Variants in EPHA3 observed in about 807,000 individuals in gnomAD.
EPHA3 encodes the protein EPH receptor A3.
In EPHA3, 42 loss-of-function variants were observed where a neutral mutation model predicts 107.1. The ratio of observed to expected loss-of-function variants is 0.39; its 90% CI spans 0.31 to 0.51. The LOEUF is 0.51. Ranked by LOEUF, EPHA3 falls within the 20% of genes least tolerant of loss-of-function variation. The probability of loss-of-function intolerance (pLI) is 0.78; values close to 1 mark genes in which losing one functional copy is unlikely to be tolerated. For synonymous variants in EPHA3, 461 were observed against 424.8 expected (o/e 1.09, Z -1.05); for missense variants, 1,183 against 1,211.2 (o/e 0.98, Z 0.35).
At chr3:89,312,906 G>A (rs1230943476) in intron 3 of EPHA3, among the ~76,000 whole-genome samples, 2 of 151,908 alleles carry the variant, frequency 1.3e-5, no homozygotes, top group Non-Finnish European at 2.9e-5. Context: ...CCCTGTAAAG[G>A]ACATAATCTT....
In EPHA3 at chr3:89,205,208, C is replaced by T. The variant is rs113572169; in HGVS notation, c.154-4652C>T. Among the ~76,000 whole-genome samples, 1,014 of 152,140 alleles carry T rather than the reference C, an allele frequency of 6.7e-3. 8 individuals carry two copies. Among genetic ancestry groups the T allele is most frequent in the African/African-American group, 0.02 (840 of 41,534 alleles). On this transcript the variant is annotated intron_variant, in intron 2 of 16. Transcript: ENST00000336596. ...TAAACTTCCTCCTCACCTTACTACCCCTTGTTAGCAAATAAATAAAAATGT... is the reference window on the plus strand; with the variant it reads ...TAAACTTCCTCCTCACCTTACTACCTCTTGTTAGCAAATAAATAAAAATGT...
At chr3:89,207,630 A>T (rs980655042) in intron 2 of EPHA3, among the ~76,000 whole-genome samples, 1 of 152,202 alleles carries the variant, frequency 6.6e-6, no homozygotes, top group African/African-American at 2.4e-5. Flanking sequence ...GATTTAGTTA[A>T]AAGTGTTTAA....
At chr3:89,120,566 G>T (rs1321249619) in intron 1 of EPHA3, among the ~76,000 whole-genome samples, 1 of 152,124 alleles carries the variant, frequency 6.6e-6, no homozygotes, top group East Asian at 1.9e-4. Context: ...CTGATTAAAA[G>T]AGAAAGAAAG....
intron 3 of EPHA3, among the ~76,000 whole-genome samples, chr3:89,292,782 A>C (rs2107332013): frequency 6.6e-6 from 1 of 152,234 alleles, no homozygotes; most frequent in South Asian, 2.1e-4. Flanking sequence ...TTTATTACAA[A>C]TTTCAAAAGT....
chr3:89,142,522 G>A (rs1704453848), intron 2 of EPHA3, among the ~76,000 whole-genome samples: 2 of 151,362 alleles, frequency 1.3e-5, no homozygotes, highest in African/African-American at 4.8e-5. Context: ...ATCCCAAAAT[G>A]TTTACAGCAA....
At chr3:89,335,720 A>G (rs1475693090) in intron 3 of EPHA3, among the ~76,000 whole-genome samples, 1 of 152,142 alleles carries the variant, frequency 6.6e-6, no homozygotes, top group Non-Finnish European at 1.5e-5. Context: ...CTTCTTACAA[A>G]ATGGGAGAAA....
Position 89,199,666 on chromosome 3 carries a change from A to C in EPHA3, c.154-10194A>C, listed in dbSNP as rs112363191. Among the ~76,000 whole-genome samples, 867 of 152,218 alleles carry C rather than the reference A, an allele frequency of 5.7e-3. 7 individuals carry two copies. Among genetic ancestry groups the C allele is most frequent in the African/African-American group, 0.02 (812 of 41,530 alleles). On this transcript the variant is annotated intron_variant, in intron 2 of 16. Transcript: ENST00000336596. The stretch of plus-strand genomic sequence containing the variant: ...GCTTTTTCCTTTATCTTCCAAAACT[A>C]TTTTCACCCTCTATTTCAAAAATCT...
At chr3:89,433,081 A>T (rs1393223436) in intron 13 of EPHA3, among the ~76,000 whole-genome samples, 1 of 152,104 alleles carries the variant, frequency 6.6e-6, no homozygotes, top group Non-Finnish European at 1.5e-5. Flanking sequence ...CCTCCTTGGG[A>T]TATTTCTATA....
intron 3 of EPHA3, among the ~76,000 whole-genome samples, chr3:89,330,759 C>T (rs964239754): frequency 1.3e-5 from 2 of 152,002 alleles, no homozygotes; most frequent in African/African-American, 4.8e-5. Flanking sequence ...AGAAATTTGT[C>T]GTTTATCCCT....
chr3:89,341,961 A>C lies in EPHA3; in HGVS notation c.1177A>C (p.Thr393Pro), dbSNP rs533112669. The part of the protein sequence containing the change: ...LPRQFGLTNT[T>P]VTVTDLLAHT... ...TCGACAGTTTGGACTCACCAACACC[A>C]CGGTGACAGTGACAGACCTTCTGGC... Residue 393 changes from threonine (T) to proline (P), a missense_variant, in exon 5 of 17, where the codon ACG becomes CCG. Thr to Pro is a conservative substitution (Grantham distance 38). Coordinates refer to ENST00000336596, the MANE Select transcript of EPHA3 (RefSeq NM_005233.6). 2 of 1,613,556 alleles carry C rather than the reference A, an allele frequency of 1.2e-6. No individual in the cohort carries two copies. Among genetic ancestry groups the C allele is most frequent in the South Asian group, 2.2e-5 (2 of 91,004 alleles).
intron 2 of EPHA3, among the ~76,000 whole-genome samples, chr3:89,145,844 C>A (rs1229603003): frequency 6.6e-6 from 1 of 151,486 alleles, no homozygotes; most frequent in African/African-American, 2.4e-5. Flanking sequence ...CAAACAATAT[C>A]ATCAAAGAAG....
intron 5 of EPHA3, among the ~76,000 whole-genome samples, chr3:89,359,828 T>TACAC (rs779168397): frequency 0.21 from 27,773 of 131,084 alleles, 3,636 homozygotes; most frequent in African/African-American, 0.25. Flanking sequence ...TATACATATA[T>TACAC]ATATACATAT....
At position 89,450,296 on chromosome 3, in the gene EPHA3, G is replaced by A. The variant is rs2107555269; in HGVS notation, c.2616G>A (p.Glu872=). Residue 872 remains glutamate, a synonymous_variant, in exon 15 of 17, where the codon GAG becomes GAA. Transcript: ENST00000336596. ...ACAGGAACAACAGACCCAAGTTTGA[G>A]CAGATTGTTAGTATTCTGGACAAGC... ...QKDRNNRPKF[E]QIVSILDKLI... 1 of 1,614,036 alleles carries A rather than the reference G, an allele frequency of 6.2e-7. No individual in the cohort carries two copies. Among genetic ancestry groups the A allele is most frequent in the Non-Finnish European group, 8.5e-7 (1 of 1,179,944 alleles).
chr3:89,209,775 T>C, intron 2 of EPHA3, 85 bp from the exon 3 acceptor site: 3 of 1,150,168 alleles, frequency 2.6e-6, no homozygotes, highest in Non-Finnish European at 3.6e-6. Context: ...TGATTTATTA[T>C]ATAGAGATGG....
chr3:89,149,232 T>C (rs1704637284), intron 2 of EPHA3, among the ~76,000 whole-genome samples: 1 of 152,018 alleles, frequency 6.6e-6, no homozygotes, highest in Admixed American at 6.6e-5. Flanking sequence ...ATTTTCTTAG[T>C]CTATAAATAT....
intron 5 of EPHA3, among the ~76,000 whole-genome samples, chr3:89,358,108 T>C (rs1279866720): frequency 6.6e-6 from 1 of 151,064 alleles, no homozygotes; most frequent in South Asian, 2.1e-4. Flanking sequence ...TTATAGAAAG[T>C]ATATGGAGTC....
chr3:89,442,801 G>A (rs1709809970), intron 13 of EPHA3, among the ~76,000 whole-genome samples: 1 of 152,138 alleles, frequency 6.6e-6, no homozygotes, highest in Non-Finnish European at 1.5e-5. Flanking sequence ...CTGTTATCAG[G>A]CCTCCTAGAA....
chr3:89,470,614 C>T (rs1246583484), intron 15 of EPHA3, among the ~76,000 whole-genome samples: 1 of 152,186 alleles, frequency 6.6e-6, no homozygotes, highest in Admixed American at 6.5e-5. Context: ...CTTACGGTTC[C>T]AGTATCTGTG....
At position 89,203,839 on chromosome 3, in the gene EPHA3, G is replaced by T. The variant is rs189023191; in HGVS notation, c.154-6021G>T. Among the ~76,000 whole-genome samples, 6 of 152,122 alleles carry T rather than the reference G, an allele frequency of 3.9e-5. No individual in the cohort carries two copies. The East Asian group carries it at 9.7e-4, about 25-fold the overall frequency. ...GAAAAAAACCTTAAAGCTCCTAGAA[G>T]AGTGGAGCTGAGGCTACTTCAGGTC... On this transcript the variant is annotated intron_variant, in intron 2 of 16. Coordinates refer to ENST00000336596, the MANE Select transcript of EPHA3 (RefSeq NM_005233.6).
Sources: allele counts gnomAD v4.1 joint callset (sites outside exome capture counted in the v4.1 genomes callset), GRCh38; gene constraint gnomAD v4.1.1; transcripts MANE v1.5; gene names NCBI Gene and HGNC (gene_info 2026-07-23, HGNC 2026-07-21).